Variants in SYCP2L observed in about 807,000 individuals in gnomAD.
SYCP2L encodes the protein synaptonemal complex protein 2-like.
In SYCP2L, 98 loss-of-function variants were observed where a neutral mutation model predicts 125.8. The observed-to-expected ratio is 0.78, with a 90% CI of 0.66 to 0.92. SYCP2L has a LOEUF of 0.92. Among genes scored for constraint, SYCP2L ranks in the 40% least tolerant of loss-of-function variants. The probability of loss-of-function intolerance (pLI) is 0.00; values close to 1 mark genes in which losing one functional copy is unlikely to be tolerated. For synonymous variants in SYCP2L, 317 were observed against 325.4 expected (o/e 0.97, Z 0.28); for missense variants, 842 against 936.4 (o/e 0.90, Z 1.32).
At chr6:10,943,786 A>C (rs1162786097) in intron 23 of SYCP2L, among the ~76,000 whole-genome samples, 1 of 152,122 alleles carries the variant, frequency 6.6e-6, no homozygotes, top group Non-Finnish European at 1.5e-5. Flanking sequence ...GTTTTATCTG[A>C]TTCTAAATGT....
chr6:10,942,150 G>C lies in SYCP2L; in HGVS notation c.1814-309G>C, dbSNP rs192588078. Among the ~76,000 whole-genome samples, 6 of 110,652 alleles carry C rather than the reference G, an allele frequency of 5.4e-5. No homozygotes were observed. The East Asian group carries it at 2.0e-3, about 38-fold the overall frequency. The allele number at this position is 110,652 out of a possible 152,430, so 72.6% of individuals were successfully genotyped here. ...CATCACACACTGGGGCCTGTTGTGG[G>C]GTGGGGGGAGGGGGGAGGGATAGCA... On this transcript the variant is annotated intron_variant, in intron 21 of 29. Transcript: ENST00000283141.
Position 10,891,506 on chromosome 6 carries a change from C to T in SYCP2L, c.10-7C>T. The T allele has an allele frequency of 1.9e-6, 3 of 1,566,496 alleles. No homozygotes were observed. The highest frequency in any genetic ancestry group is 2.3e-5 in the East Asian group (1 of 43,640). The stretch of plus-strand genomic sequence containing the variant: ...ATTGTTTAAAAACATGTTTTTATTC[C>T]ACACAGAAAAACAAAGATGCTTTGC... On this transcript the variant is annotated splice_region_variant and splice_polypyrimidine_tract_variant and intron_variant, in intron 1 of 29. Transcript: ENST00000283141.
chr6:10,915,025 C>T lies in SYCP2L; in HGVS notation c.1072+2098C>T, dbSNP rs147845810. ...CCTCCCAAAGTTCTGGGATTACAGG[C>T]GTGAACCACCGCACCTGGCCCATCC... On this transcript the variant is annotated intron_variant, in intron 14 of 29. Coordinates refer to ENST00000283141, the MANE Select transcript of SYCP2L (RefSeq NM_001040274.3). Among the ~76,000 whole-genome samples the T allele has an allele frequency of 3.2e-3, 487 of 152,158 alleles. 3 individuals carry two copies. Among genetic ancestry groups the T allele is most frequent in the African/African-American group, 0.011 (452 of 41,490 alleles).
In SYCP2L at chr6:10,903,408, TG is replaced by T. The variant is rs1561682120; in HGVS notation, c.641+446del. ...CTAAAAATACAAAAAATTAGCCGGC[TG>T]TGGTGGTGGGCACCTGTAGTCCCAG... On this transcript the variant is annotated intron_variant, in intron 8 of 29. Transcript: ENST00000283141. 6.6e-5 allele frequency among the ~76,000 whole-genome samples: 10 copies of T among 152,200 alleles called. No homozygotes were observed. In the East Asian group the frequency reaches 1.7e-3, roughly 26 times the overall value.
chr6:10,907,509 A>G (rs377017037), intron 9 of SYCP2L, 33 bp from the exon 10 acceptor site: 11 of 1,581,554 alleles, frequency 7.0e-6, no homozygotes, highest in African/African-American at 2.7e-5. Flanking sequence ...TGTGCCCAGA[A>G]TTATCTATGT....
intron 23 of SYCP2L, among the ~76,000 whole-genome samples, chr6:10,943,644 C>T (rs1051804223): frequency 2.6e-5 from 4 of 152,178 alleles, no homozygotes; most frequent in Admixed American, 6.5e-5. Context: ...TCCTTCCATA[C>T]CAGATTATTA....
chr6:10,891,819 A>G lies in SYCP2L; in HGVS notation c.78+238A>G, dbSNP rs191216824. On this transcript the variant is annotated intron_variant, in intron 2 of 29. Transcript: ENST00000283141. ...ATTTATTACTATATCTAGTCAATTT[A>G]CCATTAGCTATCTTACCAATATCCT... Among the ~76,000 whole-genome samples, 129 of 152,252 alleles carry G rather than the reference A, an allele frequency of 8.5e-4. No homozygotes were observed. The Middle Eastern group carries it at 0.01, about 12-fold the overall frequency.
At chr6:10,948,995 G>T (rs1430919718) in intron 23 of SYCP2L, among the ~76,000 whole-genome samples, 1 of 151,876 alleles carries the variant, frequency 6.6e-6, no homozygotes, top group African/African-American at 2.4e-5. Flanking sequence ...CATTGTAGTT[G>T]TTTCCTTTTT....
chr6:10,910,733 A>T (rs1426548172), intron 11 of SYCP2L, 91 bp from the exon 12 acceptor site: 4 of 1,340,904 alleles, frequency 3.0e-6, no homozygotes, highest in African/African-American at 1.4e-5. Flanking sequence ...TTAATGGCAT[A>T]CTCTAGTTAT....
chr6:10,914,482 C>T (rs975578976), intron 14 of SYCP2L, among the ~76,000 whole-genome samples: 4 of 152,042 alleles, frequency 2.6e-5, no homozygotes, highest in Non-Finnish European at 4.4e-5. Flanking sequence ...GCTTTGGCTA[C>T]GTGGGCTCTT....
rs778085184 is a variant in SYCP2L, at chr6:10,967,457, GTGT to G, written c.*37+3615_*37+3617del. ...TAGTTATGTGTATGGGGTAGAGGGTGTGTGTGTGTGTGTGTGTGTGTGTGTGTG... is the reference window on the plus strand; with the variant it reads ...TAGTTATGTGTATGGGGTAGAGGGTGGTGTGTGTGTGTGTGTGTGTGTGTG... On this transcript the variant is annotated intron_variant, in intron 29 of 29. Transcript: ENST00000283141. Among the ~76,000 whole-genome samples the G allele has an allele frequency of 3.4e-3, 452 of 134,232 alleles. 3 individuals carry two copies. The highest frequency in any genetic ancestry group is 5.0e-3 in the Non-Finnish European group (314 of 63,248). 88.1% of individuals were successfully genotyped at this position (134,232 alleles called of 152,430 possible).
chr6:10,927,265 G>A lies in SYCP2L; in HGVS notation c.1338G>A (p.Met446Ile), dbSNP rs1780913704. The A allele has an allele frequency of 1.9e-6, 3 of 1,614,070 alleles. No individual in the cohort carries two copies. The highest frequency in any genetic ancestry group is 2.7e-5 in the African/African-American group (2 of 75,026). Residue 446 changes from methionine to isoleucine, a missense_variant, in exon 17 of 30, where the codon ATG becomes ATA. Coordinates refer to ENST00000283141, the MANE Select transcript of SYCP2L (RefSeq NM_001040274.3). ...AGCAGGCAGAAGAATCCACTAACAT[G>A]GTGGAGTTTATGAGTGCTGAAGATG... ...ETEQAEESTN[M>I]VEFMSAEDDR...
At chr6:10,916,715 C>T (rs1334334928) in intron 14 of SYCP2L, among the ~76,000 whole-genome samples, 3 of 152,126 alleles carry the variant, frequency 2.0e-5, no homozygotes, top group African/African-American at 7.2e-5. Flanking sequence ...CTAGCCGAGG[C>T]GTGGTGGCTC....
chr6:10,913,855 G>T (rs1454350812), intron 14 of SYCP2L, among the ~76,000 whole-genome samples: 2 of 151,424 alleles, frequency 1.3e-5, no homozygotes, highest in Admixed American at 6.6e-5. Flanking sequence ...TTTTGAAGTG[G>T]AGTTTTGCTC....
At chr6:10,944,268 A>C (rs1781272494) in intron 23 of SYCP2L, among the ~76,000 whole-genome samples, 1 of 152,214 alleles carries the variant, frequency 6.6e-6, no homozygotes, top group African/African-American at 2.4e-5. Flanking sequence ...AATATCCCTG[A>C]TTGAAATTTA....
intron 15 of SYCP2L, among the ~76,000 whole-genome samples, chr6:10,925,295 C>T (rs12664402): frequency 0.056 from 8,518 of 152,172 alleles, 626 homozygotes; most frequent in East Asian, 0.24. Context: ...GTGGGAATTA[C>T]GGGAGCTACA....
intron 1 of SYCP2L, among the ~76,000 whole-genome samples, chr6:10,887,920 A>G (rs1780104302): frequency 6.6e-6 from 1 of 152,244 alleles, no homozygotes; most frequent in Non-Finnish European, 1.5e-5. Context: ...GCACTTAAGC[A>G]TAACCTCCTC....
chr6:10,924,605 A>G lies in SYCP2L; in HGVS notation c.1182A>G (p.Ser394=). ...EIHFDLQFNI[S]QVSIQALGED... ...ATTTTGATTTGCAGTTCAACATATCACAAGTTTCCATTCAAGCTTTAGGAG... is the reference window on the plus strand; with the variant it reads ...ATTTTGATTTGCAGTTCAACATATCGCAAGTTTCCATTCAAGCTTTAGGAG... The change falls in exon 15 of 30, where the codon TCA becomes TCG. Residue 394 remains serine, a synonymous_variant. Coordinates refer to ENST00000283141, the MANE Select transcript of SYCP2L (RefSeq NM_001040274.3). 6.3e-7 allele frequency: 1 copy of G among 1,594,844 alleles called. No individual in the cohort carries two copies. Among genetic ancestry groups the G allele is most frequent in the Non-Finnish European group, 8.5e-7 (1 of 1,174,556 alleles).
At chr6:10,941,538 A>G (rs1289292177) in intron 21 of SYCP2L, among the ~76,000 whole-genome samples, 1 of 152,260 alleles carries the variant, frequency 6.6e-6, no homozygotes, top group African/African-American at 2.4e-5. Context: ...GCCAACAGAC[A>G]CATGAAAAAA....
Sources: gnomAD v4.1 joint callset for allele counts (sites outside exome capture counted in the v4.1 genomes callset) on GRCh38, gnomAD v4.1.1 for gene constraint, MANE v1.5 for transcripts, NCBI Gene and HGNC (gene_info 2026-07-23, HGNC 2026-07-21) for gene names.